The following KCNIP1 variants were observed in gnomAD, a reference collection of about 807,000 sequenced individuals.
KCNIP1 encodes the protein potassium voltage-gated channel interacting protein 1, also known as A-type potassium channel modulatory protein KCNIP1.
Under a neutral mutation model 33.0 loss-of-function variants are expected in KCNIP1, and 18 were observed. The observed-to-expected ratio is 0.55, with a 90% confidence interval of 0.38 to 0.81. The LOEUF (loss-of-function observed/expected upper bound fraction) is 0.81. Ranked by LOEUF, KCNIP1 falls within the 30% of genes least tolerant of loss-of-function variation. KCNIP1 has a pLI of 0.00. For missense variants in KCNIP1, 238 were observed against 271.6 expected, an observed-to-expected ratio of 0.88 and a Z score of 0.87; for synonymous variants, 93 against 98.3, an observed-to-expected ratio of 0.95 and a Z score of 0.32.
intron 1 of KCNIP1, among the ~76,000 whole-genome samples, chr5:170,643,389 C>T (rs1760654083): frequency 6.6e-6 from 1 of 152,070 alleles, no homozygotes; most frequent in Non-Finnish European, 1.5e-5. Context: ...TTTATGACAG[C>T]GCTATGAGAA....
chr5:170,624,749 G>A (rs1759757056), intron 1 of KCNIP1, among the ~76,000 whole-genome samples: 1 of 128,490 alleles, frequency 7.8e-6, no homozygotes, highest in Non-Finnish European at 1.7e-5. Flanking sequence ...GGAGAGGGGA[G>A]GGGAGGAGAG....
In KCNIP1 at chr5:170,424,885, CA is replaced by C. The variant is rs1420243424; in HGVS notation, c.88+70922del. Among the ~76,000 whole-genome samples the C allele has an allele frequency of 3.9e-5, 6 of 152,214 alleles. No homozygotes were observed. The East Asian group carries it at 5.8e-4, about 15-fold the overall frequency. ...AACATTTGCTCATTCGTTCCTACCC[CA>C]CTCCTTTATCTGGGCGTCTTGGCTT... On this transcript the variant is annotated intron_variant, in intron 1 of 7. Coordinates refer to the KCNIP1 transcript ENST00000377360.
At chr5:170,471,746 C>T (rs1206339614) in intron 1 of KCNIP1, among the ~76,000 whole-genome samples, 2 of 152,210 alleles carry the variant, frequency 1.3e-5, no homozygotes, top group Non-Finnish European at 2.9e-5. Flanking sequence ...GGGCCTCTCT[C>T]TCTGTCCCTA....
chr5:170,663,966 C>T (rs1206395680), intron 1 of KCNIP1, among the ~76,000 whole-genome samples: 1 of 152,100 alleles, frequency 6.6e-6, no homozygotes, highest in Non-Finnish European at 1.5e-5. Flanking sequence ...TCTGTACTCT[C>T]CTCCAATCCT....
At chr5:170,603,915 T>C (rs563189880) in intron 1 of KCNIP1, among the ~76,000 whole-genome samples, 10 of 152,252 alleles carry the variant, frequency 6.6e-5, no homozygotes, top group African/African-American at 2.4e-4. Flanking sequence ...CTGTCTTCAC[T>C]GTTAGGGGGT....
intron 1 of KCNIP1, among the ~76,000 whole-genome samples, chr5:170,658,962 G>A (rs184288694): frequency 1.3e-5 from 2 of 152,192 alleles, no homozygotes. Context: ...CATCTAAGTC[G>A]ACGTTTCCAA....
intron 1 of KCNIP1, among the ~76,000 whole-genome samples, chr5:170,542,840 A>T (rs1756262968): frequency 1.3e-5 from 2 of 152,196 alleles, no homozygotes; most frequent in African/African-American, 4.8e-5. Flanking sequence ...GTACTTACTT[A>T]TTTTCAAACT....
At chr5:170,591,345 G>A (rs1758252145) in intron 1 of KCNIP1, among the ~76,000 whole-genome samples, 1 of 148,742 alleles carries the variant, frequency 6.7e-6, no homozygotes, top group Non-Finnish European at 1.5e-5. Context: ...GGACAGCGGT[G>A]GAAGCTCTAC....
chr5:170,376,246 C>T (rs1279027747), intron 1 of KCNIP1: 5 of 149,836 alleles, frequency 3.3e-5, no homozygotes, highest in Non-Finnish European at 3.0e-5. Context: ...CTGCAAGCTC[C>T]GCCTCCCGGG....
chr5:170,694,873 A>G (rs1356642337), intron 1 of KCNIP1, among the ~76,000 whole-genome samples: 1 of 152,244 alleles, frequency 6.6e-6, no homozygotes, highest in African/African-American at 2.4e-5. Flanking sequence ...TAAAGAACAA[A>G]TAATTCTGAA....
intron 1 of KCNIP1, among the ~76,000 whole-genome samples, chr5:170,357,881 C>T (rs1368447960): frequency 6.6e-6 from 1 of 152,190 alleles, no homozygotes; most frequent in African/African-American, 2.4e-5. Context: ...TTCTTAAGGG[C>T]CTACCCAGAG....
intron 1 of KCNIP1, among the ~76,000 whole-genome samples, chr5:170,685,125 C>T (rs1028817097): frequency 2.0e-5 from 3 of 152,088 alleles, no homozygotes; most frequent in East Asian, 1.9e-4. Context: ...TCCTGCTCTG[C>T]GTGGGTTCCC....
intron 1 of KCNIP1, among the ~76,000 whole-genome samples, chr5:170,692,227 C>T (rs1355694574): frequency 6.6e-6 from 1 of 152,108 alleles, no homozygotes; most frequent in Non-Finnish European, 1.5e-5. Flanking sequence ...GCATTTTATC[C>T]TAAGGTACCA....
At chr5:170,536,217 G>C (rs1755979202) in intron 1 of KCNIP1, among the ~76,000 whole-genome samples, 1 of 152,216 alleles carries the variant, frequency 6.6e-6, no homozygotes, top group South Asian at 2.1e-4. Context: ...GAAACCAAGG[G>C]CTCCTGGGCC....
chr5:170,727,889 C>A (rs946905053), intron 5 of KCNIP1, among the ~76,000 whole-genome samples: 4 of 152,132 alleles, frequency 2.6e-5, no homozygotes, highest in African/African-American at 9.7e-5. Context: ...TGCCCTGAGC[C>A]ATAATCACTG....
intron 1 of KCNIP1, among the ~76,000 whole-genome samples, chr5:170,468,535 G>A (rs774278801): frequency 2.6e-5 from 4 of 151,998 alleles, no homozygotes; most frequent in Admixed American, 6.6e-5. Context: ...TATTTTTGGC[G>A]CCTAAGAGCT....
At chr5:170,405,663 G>A (rs1173276342) in intron 1 of KCNIP1, among the ~76,000 whole-genome samples, 1 of 152,214 alleles carries the variant, frequency 6.6e-6, no homozygotes, top group Non-Finnish European at 1.5e-5. Flanking sequence ...AGTGTCTGTG[G>A]TCATTGTTCT....
intron 1 of KCNIP1, among the ~76,000 whole-genome samples, chr5:170,688,966 G>A (rs912062778): frequency 6.7e-5 from 10 of 150,204 alleles, no homozygotes; most frequent in Non-Finnish European, 1.3e-4. Flanking sequence ...AGAAGGGAAG[G>A]GTGGAAAGAA....
chr5:170,547,289 A>G (rs1756449135), intron 1 of KCNIP1, among the ~76,000 whole-genome samples: 1 of 152,138 alleles, frequency 6.6e-6, no homozygotes, highest in Non-Finnish European at 1.5e-5. Flanking sequence ...TGTTTTATTT[A>G]TAACTATCTA....
Sources: allele counts gnomAD v4.1 joint callset (sites outside exome capture counted in the v4.1 genomes callset), GRCh38; gene constraint gnomAD v4.1.1; transcripts MANE v1.5; gene names NCBI Gene and HGNC (gene_info 2026-07-23, HGNC 2026-07-21).